Variants in ROR1 observed in about 807,000 individuals in gnomAD.
ROR1 encodes the protein inactive tyrosine-protein kinase transmembrane receptor ROR1.
In ROR1, 19 loss-of-function variants were observed where a neutral mutation model predicts 78.8. The ratio of observed to expected loss-of-function variants is 0.24; its 90% CI spans 0.17 to 0.35. The LOEUF is 0.35. ROR1 is among the 10% of genes least tolerant of loss of function. The pLI, the probability that ROR1 is intolerant of heterozygous loss-of-function variation, is 1.00. For synonymous variants in ROR1, 386 were observed against 433.6 expected, an observed-to-expected ratio of 0.89 and a Z score of 1.36; for missense variants, 917 against 1,177.8, an observed-to-expected ratio of 0.78 and a Z score of 3.24.
At chr1:63,854,985 TTTA>T (rs1009484666) in intron 1 of ROR1, among the ~76,000 whole-genome samples, 5 of 152,026 alleles carry the variant, frequency 3.3e-5, no homozygotes, top group Admixed American at 2.0e-4. Flanking sequence ...ATTTGTATTA[TTTA>T]TTATTATTAT....
intron 1 of ROR1, among the ~76,000 whole-genome samples, chr1:63,818,814 T>C (rs1005169562): frequency 2.6e-5 from 4 of 152,310 alleles, no homozygotes. Context: ...CTTATCTCAT[T>C]GATCATTTCA....
chr1:63,991,900 G>C (rs1258940943), intron 1 of ROR1, among the ~76,000 whole-genome samples: 1 of 152,160 alleles, frequency 6.6e-6, no homozygotes, highest in Non-Finnish European at 1.5e-5. Flanking sequence ...TGTCTCGCTT[G>C]ACTAACTCTA....
chr1:64,094,075 G>T (rs1405508265), intron 4 of ROR1, among the ~76,000 whole-genome samples: 1 of 152,106 alleles, frequency 6.6e-6, no homozygotes, highest in Non-Finnish European at 1.5e-5. Context: ...GCCAACTATT[G>T]CTTGTCATAA....
intron 4 of ROR1, among the ~76,000 whole-genome samples, chr1:64,131,866 CA>C (rs35533587): frequency 0.14 from 21,962 of 152,150 alleles, 1,645 homozygotes; most frequent in South Asian, 0.21. Context: ...GCAATCCTCC[CA>C]ACCTTGATCT....
intron 2 of ROR1, among the ~76,000 whole-genome samples, chr1:64,017,448 G>A (rs1646530155): frequency 6.6e-6 from 1 of 152,058 alleles, no homozygotes; most frequent in Non-Finnish European, 1.5e-5. Context: ...GCAAGATGAG[G>A]GATATGGAAT....
At chr1:64,147,625 T>G (rs1649510300) in intron 7 of ROR1, among the ~76,000 whole-genome samples, 1 of 152,190 alleles carries the variant, frequency 6.6e-6, no homozygotes, top group African/African-American at 2.4e-5. Context: ...CCTATTTTTA[T>G]AACTCCTTTG....
At chr1:63,802,654 C>T (rs1644803878) in intron 1 of ROR1, among the ~76,000 whole-genome samples, 1 of 152,172 alleles carries the variant, frequency 6.6e-6, no homozygotes, top group Non-Finnish European at 1.5e-5. Flanking sequence ...GTTTTGAAAG[C>T]AGTGATGAGA....
chr1:63,991,528 A>G (rs1440272614), intron 1 of ROR1, among the ~76,000 whole-genome samples: 2 of 152,196 alleles, frequency 1.3e-5, no homozygotes, highest in South Asian at 2.1e-4. Context: ...TGAGACCCCA[A>G]CAAAGGCATT....
chr1:63,879,492 T>C (rs1016966598), intron 1 of ROR1, among the ~76,000 whole-genome samples: 3 of 152,074 alleles, frequency 2.0e-5, no homozygotes, highest in East Asian at 1.9e-4. Flanking sequence ...CCCCTTTCCT[T>C]TCTGGCAGCA....
chr1:63,997,994 TGAGTCTTA>T (rs1460330439), intron 1 of ROR1, among the ~76,000 whole-genome samples: 1 of 152,158 alleles, frequency 6.6e-6, no homozygotes, highest in Admixed American at 6.5e-5. Context: ...AATGAGGAAC[TGAGTCTTA>T]GAGGTATGAA....
intron 1 of ROR1, among the ~76,000 whole-genome samples, chr1:63,799,115 A>T (rs1184278829): frequency 6.6e-6 from 1 of 152,104 alleles, no homozygotes; most frequent in Admixed American, 6.5e-5. Context: ...AGAAGAGATG[A>T]TCATGTCTAC....
chr1:63,860,931 T>C (rs1040442043), intron 1 of ROR1, among the ~76,000 whole-genome samples: 2 of 152,040 alleles, frequency 1.3e-5, no homozygotes, highest in African/African-American at 4.8e-5. Flanking sequence ...GATGAACAGA[T>C]AGGAGGGTGT....
chr1:64,064,371 T>C (rs1399223945), intron 4 of ROR1, among the ~76,000 whole-genome samples: 1 of 152,196 alleles, frequency 6.6e-6, no homozygotes, highest in East Asian at 1.9e-4. Flanking sequence ...GAGAAACAAC[T>C]TGGCTGCTGT....
chr1:63,832,344 A>G (rs1644993498), intron 1 of ROR1, among the ~76,000 whole-genome samples: 1 of 152,210 alleles, frequency 6.6e-6, no homozygotes, highest in South Asian at 2.1e-4. Flanking sequence ...ACACTGTTAT[A>G]AAGAACTGCC....
intron 1 of ROR1, among the ~76,000 whole-genome samples, chr1:63,848,886 A>G (rs946064746): frequency 4.6e-5 from 7 of 152,218 alleles, no homozygotes; most frequent in African/African-American, 1.7e-4. Context: ...TGTACTCAGT[A>G]AACCGAGTGA....
chr1:64,073,039 T>C (rs1384443582), intron 4 of ROR1, among the ~76,000 whole-genome samples: 1 of 152,202 alleles, frequency 6.6e-6, no homozygotes, highest in African/African-American at 2.4e-5. Context: ...TTGGTATTCA[T>C]GGTAGCCTCA....
chr1:63,913,232 G>T (rs1253084555), intron 1 of ROR1, among the ~76,000 whole-genome samples: 2 of 152,096 alleles, frequency 1.3e-5, no homozygotes, highest in Non-Finnish European at 2.9e-5. Context: ...TATTAATGTA[G>T]AATAGACATG....
At chr1:63,871,281 A>T (rs1451442634) in intron 1 of ROR1, among the ~76,000 whole-genome samples, 1 of 152,174 alleles carries the variant, frequency 6.6e-6, no homozygotes, top group African/African-American at 2.4e-5. Context: ...TCTTTGAAAC[A>T]TGGTACCCAC....
At chr1:63,930,126 C>G (rs893810828) in intron 1 of ROR1, among the ~76,000 whole-genome samples, 12 of 152,136 alleles carry the variant, frequency 7.9e-5, no homozygotes, top group African/African-American at 2.9e-4. Context: ...GCCCCCCACC[C>G]GCTGACAGGC....
Sources: gnomAD v4.1 joint callset for allele counts (sites outside exome capture counted in the v4.1 genomes callset) on GRCh38, gnomAD v4.1.1 for gene constraint, MANE v1.5 for transcripts, NCBI Gene and HGNC (gene_info 2026-07-23, HGNC 2026-07-21) for gene names.